Variants in FOCAD observed in about 807,000 individuals in gnomAD.
The protein encoded by FOCAD is KIAA1797.
A neutral mutation model predicts 225.6 loss-of-function variants in FOCAD; 198 were observed. That is an observed-to-expected ratio of 0.88 (90% CI 0.78 to 0.99). The LOEUF (loss-of-function observed/expected upper bound fraction) is 0.99. Among genes scored for constraint, FOCAD ranks in the 50% least tolerant of loss-of-function variants. The probability of loss-of-function intolerance (pLI) is 0.00; values close to 1 mark genes in which losing one functional copy is unlikely to be tolerated. For missense variants in FOCAD, 2,713 were observed against 2,123.6 expected, an observed-to-expected ratio of 1.28 and a Z score of -5.46; for synonymous variants, 897 against 755.0, an observed-to-expected ratio of 1.19 and a Z score of -3.08.
intron 15 of FOCAD, among the ~76,000 whole-genome samples, chr9:20,860,177 G>A (rs529395517): frequency 2.6e-5 from 4 of 152,030 alleles, no homozygotes; most frequent in Non-Finnish European, 2.9e-5. Context: ...TACAGTTATT[G>A]AAACTAGGAA....
intron 35 of FOCAD, among the ~76,000 whole-genome samples, chr9:20,953,539 T>G (rs944096991): frequency 3.3e-5 from 5 of 152,230 alleles, no homozygotes; most frequent in Non-Finnish European, 7.3e-5. Context: ...TTGCACACAT[T>G]TGAGCCTTTG....
At chr9:20,773,891 T>C (rs188396243) in intron 8 of FOCAD, among the ~76,000 whole-genome samples, 1 of 152,280 alleles carries the variant, frequency 6.6e-6, no homozygotes, top group East Asian at 1.9e-4. Context: ...CCCCAATGCC[T>C]GGGCCACAGA....
At chr9:20,839,855 T>C (rs1394593924) in intron 15 of FOCAD, among the ~76,000 whole-genome samples, 2 of 152,016 alleles carry the variant, frequency 1.3e-5, no homozygotes, top group Non-Finnish European at 2.9e-5. Flanking sequence ...GAGATAAGGG[T>C]CAAGTTTCAT....
upstream of FOCAD, among the ~76,000 whole-genome samples, chr9:20,656,411 TAA>T (rs1181088084): frequency 6.6e-6 from 1 of 152,192 alleles, no homozygotes; most frequent in Non-Finnish European, 1.5e-5. Context: ...TGTGGGAGTC[TAA>T]GTCTCTTTGT....
intron 11 of FOCAD, among the ~76,000 whole-genome samples, chr9:20,810,735 A>G (rs943321133): frequency 1.3e-5 from 2 of 152,066 alleles, no homozygotes; most frequent in Non-Finnish European, 2.9e-5. Context: ...CTGAGAGATA[A>G]TAGTCAGATG....
intron 5 of FOCAD, among the ~76,000 whole-genome samples, chr9:20,751,751 T>G (rs1466853551): frequency 6.7e-6 from 1 of 148,714 alleles, no homozygotes; most frequent in African/African-American, 2.5e-5. Flanking sequence ...CCACAATGGT[T>G]GAACTAGTTT....
chr9:20,674,235 T>C (rs1178293032), intron 2 of FOCAD, among the ~76,000 whole-genome samples: 1 of 152,232 alleles, frequency 6.6e-6, no homozygotes, highest in Non-Finnish European at 1.5e-5. Flanking sequence ...CTGAATTATT[T>C]TTCTACATTT....
chr9:20,716,168 C>T (rs752494101), intron 2 of FOCAD: 4 of 472,408 alleles, frequency 8.5e-6, no homozygotes, highest in Non-Finnish European at 9.2e-6. Context: ...TGCAAGATTC[C>T]CTTCTACCTG....
chr9:20,721,884 CCT>C (rs1825797231), intron 4 of FOCAD, among the ~76,000 whole-genome samples: 1 of 14,940 alleles, frequency 6.7e-5, no homozygotes, highest in Non-Finnish European at 1.0e-4. Flanking sequence ...CCTCCCCTCC[CCT>C]TCCTCCCCCT....
chr9:20,703,238 C>T lies in FOCAD; in HGVS notation c.-32-12084C>T, dbSNP rs185702355. On this transcript the variant is annotated intron_variant, in intron 1 of 43. Coordinates refer to ENST00000338382, the MANE Select transcript of FOCAD (RefSeq NM_001375567.1). ...GGAACATGTGAAGGGAGAGAAGAAA[C>T]AGCTTATTTGAACAATTGAACAAGT... is the stretch of plus-strand genomic sequence containing the variant. 1.4e-4 allele frequency among the ~76,000 whole-genome samples: 21 copies of T among 152,140 alleles called. No homozygotes were observed. In the East Asian group the frequency reaches 3.7e-3, roughly 27 times the overall value.
chr9:20,790,044 G>C (rs992563332), intron 11 of FOCAD, among the ~76,000 whole-genome samples: 2 of 152,150 alleles, frequency 1.3e-5, no homozygotes, highest in African/African-American at 4.8e-5. Context: ...CTTGCAGTTT[G>C]ATACTATCTT....
At chr9:20,712,407 C>T (rs1054068176) in intron 1 of FOCAD, among the ~76,000 whole-genome samples, 1 of 152,156 alleles carries the variant, frequency 6.6e-6, no homozygotes, top group Non-Finnish European at 1.5e-5. Flanking sequence ...CGCCTGTAAT[C>T]CTAGCACTTT....
chr9:20,810,435 T>A (rs958481806), intron 11 of FOCAD, among the ~76,000 whole-genome samples: 14 of 152,130 alleles, frequency 9.2e-5, no homozygotes, highest in African/African-American at 3.1e-4. Flanking sequence ...ACTTTACTTA[T>A]AGGACATTGG....
chr9:20,821,012 A>G lies in FOCAD; in HGVS notation c.1734A>G (p.Glu578=), dbSNP rs1269170359. 1.9e-6 allele frequency: 3 copies of G among 1,612,846 alleles called. No individual in the cohort carries two copies. The highest frequency in any genetic ancestry group is 2.5e-6 in the Non-Finnish European group (3 of 1,179,152). Residue 578 remains glutamate (E), a synonymous_variant, in exon 14 of 44, where the codon GAA becomes GAG. Transcript: ENST00000338382. The stretch of plus-strand genomic sequence containing the variant: ...TACCTTCTCTTTCGGTGGGCAAGGA[A>G]GTCCAATGGGAGAAACTGATTGCAA... The part of the protein sequence containing the change: ...SDVPSLSVGK[E]VQWEKLIAKA...
At chr9:20,986,555 T>C (rs925776035) in intron 40 of FOCAD, 90 bp downstream of exon 40, 12 of 1,215,382 alleles carry the variant, frequency 9.9e-6, no homozygotes, top group African/African-American at 1.5e-5. Flanking sequence ...ACTTAAAAAT[T>C]AGTTTAGTGC....
chr9:20,827,807 G>A (rs1289531364), intron 15 of FOCAD, among the ~76,000 whole-genome samples: 1 of 152,006 alleles, frequency 6.6e-6, no homozygotes, highest in African/African-American at 2.4e-5. Flanking sequence ...GTATGAACAG[G>A]TTTAGATATC....
At chr9:20,687,628 T>G (rs969242440) in intron 1 of FOCAD, among the ~76,000 whole-genome samples, 2 of 152,240 alleles carry the variant, frequency 1.3e-5, no homozygotes, top group East Asian at 3.8e-4. Flanking sequence ...TTATTAAATG[T>G]TTTTAATTGT....
chr9:20,701,520 A>G (rs905843043), intron 1 of FOCAD, among the ~76,000 whole-genome samples: 13 of 152,224 alleles, frequency 8.5e-5, no homozygotes, highest in African/African-American at 2.7e-4. Context: ...GAAAATGTAG[A>G]TGTGAAAGTG....
chr9:20,789,726 T>G (rs1459738340), intron 11 of FOCAD, 118 bp downstream of exon 11: 1 of 1,310,618 alleles, frequency 7.6e-7, no homozygotes, highest in Non-Finnish European at 1.0e-6. Flanking sequence ...TTGATGATTT[T>G]TTTTTTTTTT....
Sources: allele counts gnomAD v4.1 joint callset (sites outside exome capture counted in the v4.1 genomes callset), GRCh38; gene constraint gnomAD v4.1.1; transcripts MANE v1.5; gene names NCBI Gene and HGNC (gene_info 2026-07-23, HGNC 2026-07-21).